WWOX: variants seen among roughly 807,000 people sequenced by gnomAD.
WWOX encodes WW domain containing oxidoreductase, also known as WW domain-containing oxidoreductase.
In WWOX, 69 loss-of-function variants were observed where a neutral mutation model predicts 46.2. The observed-to-expected ratio is 1.49, with a 90% CI of 1.23 to 1.82. The LOEUF is 1.82. WWOX is among the 40% of genes most tolerant of loss of function. WWOX has a pLI of 0.00. For synonymous variants in WWOX, 359 were observed against 202.6 expected, an observed-to-expected ratio of 1.77 and a Z score of -6.56; for missense variants, 919 against 542.6, an observed-to-expected ratio of 1.69 and a Z score of -6.89.
At chr16:78,719,999 T>G (rs921428050) in intron 8 of WWOX, among the ~76,000 whole-genome samples, 1 of 152,338 alleles carries the variant, frequency 6.6e-6, no homozygotes, top group Non-Finnish European at 1.5e-5. Flanking sequence ...TTTTTCAGTT[T>G]AGATAATTTA....
chr16:79,040,674 C>A (rs1263022198), intron 8 of WWOX, among the ~76,000 whole-genome samples: 1 of 152,068 alleles, frequency 6.6e-6, no homozygotes, highest in African/African-American at 2.4e-5. Context: ...TCATCATCAA[C>A]CCCTCCCCAG....
chr16:79,114,011 G>C (rs2049464687), intron 8 of WWOX, among the ~76,000 whole-genome samples: 1 of 152,196 alleles, frequency 6.6e-6, no homozygotes, highest in African/African-American at 2.4e-5. Flanking sequence ...ACATGATCCT[G>C]TTTGACTTCC....
At chr16:78,773,359 T>G (rs7206356) in intron 8 of WWOX, among the ~76,000 whole-genome samples, 67,560 of 152,112 alleles carry the variant, frequency 0.44, 15,686 homozygotes, top group Middle Eastern at 0.56. Context: ...TTCAGCTGTT[T>G]CCTAGCTTGG....
At chr16:79,050,018 C>T (rs1454713851) in intron 8 of WWOX, among the ~76,000 whole-genome samples, 1 of 152,074 alleles carries the variant, frequency 6.6e-6, no homozygotes, top group African/African-American at 2.4e-5. Context: ...GAGTATGGGG[C>T]ACCCTGGAGG....
chr16:78,971,740 G>A (rs1416463186), intron 8 of WWOX, among the ~76,000 whole-genome samples: 3 of 109,954 alleles, frequency 2.7e-5, no homozygotes, highest in Non-Finnish European at 5.4e-5. Context: ...ACCCTCTGCC[G>A]CCCTGGCCTT....
intron 8 of WWOX, among the ~76,000 whole-genome samples, chr16:78,980,021 G>C (rs1298266110): frequency 6.6e-6 from 1 of 152,104 alleles, no homozygotes; most frequent in Non-Finnish European, 1.5e-5. Flanking sequence ...CCAGCTGCTT[G>C]GGAAGCTGAG....
At chr16:79,067,662 G>A (rs990425422) in intron 8 of WWOX, among the ~76,000 whole-genome samples, 2 of 151,806 alleles carry the variant, frequency 1.3e-5, no homozygotes, top group African/African-American at 4.8e-5. Context: ...ATCACCACCT[G>A]CATATTATGC....
At chr16:78,600,378 GC>G (rs1046425035) in intron 8 of WWOX, among the ~76,000 whole-genome samples, 11 of 152,108 alleles carry the variant, frequency 7.2e-5, no homozygotes, top group African/African-American at 2.4e-4. Context: ...GACGGAAACA[GC>G]CCCCCAGCTC....
At chr16:78,793,441 A>T (rs2050659983) in intron 8 of WWOX, among the ~76,000 whole-genome samples, 1 of 152,168 alleles carries the variant, frequency 6.6e-6, no homozygotes, top group South Asian at 2.1e-4. Context: ...ATACAAATTG[A>T]ACATTGACTT....
At chr16:78,820,696 C>G (rs1435740111) in intron 8 of WWOX, among the ~76,000 whole-genome samples, 2 of 152,116 alleles carry the variant, frequency 1.3e-5, no homozygotes, top group African/African-American at 4.8e-5. Flanking sequence ...CCTGGGCCTG[C>G]CATAACAAAT....
chr16:78,370,184 C>T (rs552305781), intron 5 of WWOX, among the ~76,000 whole-genome samples: 14 of 147,890 alleles, frequency 9.5e-5, no homozygotes, highest in Non-Finnish European at 1.8e-4. Context: ...AATCTGGGTG[C>T]ATATCTTTGC....
At chr16:78,398,303 C>T (rs2082334838) in intron 6 of WWOX, among the ~76,000 whole-genome samples, 2 of 152,176 alleles carry the variant, frequency 1.3e-5, no homozygotes, top group African/African-American at 4.8e-5. Context: ...CTTCCCCAAC[C>T]CAGGCTTCTC....
intron 8 of WWOX, among the ~76,000 whole-genome samples, chr16:78,697,525 C>G (rs2048126774): frequency 6.6e-6 from 1 of 152,088 alleles, no homozygotes; most frequent in Admixed American, 6.6e-5. Flanking sequence ...GGACTAATAT[C>G]CAGGATCTAC....
At chr16:78,567,175 A>C (rs186201033) in intron 8 of WWOX, among the ~76,000 whole-genome samples, 56 of 152,166 alleles carry the variant, frequency 3.7e-4, no homozygotes, top group Non-Finnish European at 6.8e-4. Context: ...CAGAAGCCCA[A>C]TTTAAGCCCC....
At position 78,965,907 on chromosome 16, in the gene WWOX, T is replaced by C. The variant is rs115718573; in HGVS notation, c.1057-245701T>C. Among the ~76,000 whole-genome samples the C allele has an allele frequency of 7.9e-3, 1,209 of 152,284 alleles. 17 individuals are homozygous for C. The highest frequency in any genetic ancestry group is 0.028 in the African/African-American group (1,160 of 41,574). On this transcript the variant is annotated intron_variant, in intron 8 of 8. Coordinates refer to ENST00000566780, the MANE Select transcript of WWOX (RefSeq NM_016373.4). Reference sequence around the variant, plus strand: ...AGCAGTATTGCCGTGGTTTATACAATTGGACGAAATGGGTGATCTAATTTG... The same window carrying C: ...AGCAGTATTGCCGTGGTTTATACAACTGGACGAAATGGGTGATCTAATTTG...
At chr16:78,777,652 G>A (rs776066447) in intron 8 of WWOX, among the ~76,000 whole-genome samples, 19 of 152,104 alleles carry the variant, frequency 1.2e-4, no homozygotes, top group Non-Finnish European at 2.5e-4. Context: ...AGACCTCAGG[G>A]CAGACTCCCC....
At chr16:78,620,386 A>G (rs574761758) in intron 8 of WWOX, among the ~76,000 whole-genome samples, 8 of 152,160 alleles carry the variant, frequency 5.3e-5, no homozygotes, top group East Asian at 3.9e-4. Context: ...CCTCCAACAG[A>G]CTCGTGTAGA....
At chr16:78,273,752 C>T (rs1813853933) in intron 5 of WWOX, among the ~76,000 whole-genome samples, 2 of 152,098 alleles carry the variant, frequency 1.3e-5, no homozygotes, top group Non-Finnish European at 2.9e-5. Flanking sequence ...GGATGACAGG[C>T]GTGGTGAATG....
chr16:78,426,939 G>C (rs986400915), intron 7 of WWOX, among the ~76,000 whole-genome samples: 4 of 152,186 alleles, frequency 2.6e-5, no homozygotes, highest in African/African-American at 9.7e-5. Flanking sequence ...TGTGATTACA[G>C]GCGTGAGCCA....
Sources: allele counts gnomAD v4.1 joint callset (sites outside exome capture counted in the v4.1 genomes callset), GRCh38; gene constraint gnomAD v4.1.1; transcripts MANE v1.5; gene names NCBI Gene and HGNC (gene_info 2026-07-23, HGNC 2026-07-21).